Variants in CDH11 observed in about 807,000 individuals in gnomAD.
The protein encoded by CDH11 is cadherin-11.
Under a neutral mutation model 67.8 loss-of-function variants are expected in CDH11, and 11 were observed. The ratio of observed to expected loss-of-function variants is 0.16; its 90% CI spans 0.10 to 0.27. The LOEUF (loss-of-function observed/expected upper bound fraction) is 0.27, where lower values mean the gene tolerates loss of function less well. Ranked by LOEUF, CDH11 falls within the 10% of genes least tolerant of loss-of-function variation. The probability of loss-of-function intolerance (pLI) is 1.00; values close to 1 mark genes in which losing one functional copy is unlikely to be tolerated. For synonymous variants in CDH11, 419 were observed against 400.0 expected, an observed-to-expected ratio of 1.05 and a Z score of -0.57; for missense variants, 847 against 1,031.2, an observed-to-expected ratio of 0.82 and a Z score of 2.45.
chr16:64,990,435 T>C (rs1023883608), intron 6 of CDH11, among the ~76,000 whole-genome samples: 3 of 151,984 alleles, frequency 2.0e-5, no homozygotes, highest in Non-Finnish European at 4.4e-5. Flanking sequence ...AAATGTTCCA[T>C]TTCTCTGATA....
chr16:65,048,614 C>T (rs1455040007), intron 2 of CDH11, among the ~76,000 whole-genome samples: 3 of 151,096 alleles, frequency 2.0e-5, no homozygotes, highest in African/African-American at 7.3e-5. Flanking sequence ...TACATATATA[C>T]ACATAAAAAA....
At chr16:65,043,980 G>A (rs2073910721) in intron 2 of CDH11, among the ~76,000 whole-genome samples, 1 of 152,080 alleles carries the variant, frequency 6.6e-6, no homozygotes, top group Non-Finnish European at 1.5e-5. Flanking sequence ...TTGATCTCAA[G>A]AGATCAAAGT....
chr16:65,086,827 T>C (rs1405173141), intron 1 of CDH11, among the ~76,000 whole-genome samples: 1 of 152,138 alleles, frequency 6.6e-6, no homozygotes, highest in Non-Finnish European at 1.5e-5. Flanking sequence ...CAAAAGGCAA[T>C]AGGTCCTACA....
chr16:64,961,025 G>T (rs541173135), intron 11 of CDH11, among the ~76,000 whole-genome samples: 4 of 152,170 alleles, frequency 2.6e-5, no homozygotes, highest in African/African-American at 9.6e-5. Context: ...ATGTGCTTTT[G>T]GGGATTCCCT....
At chr16:65,090,868 C>A (rs535661809) in intron 1 of CDH11, among the ~76,000 whole-genome samples, 15 of 152,298 alleles carry the variant, frequency 9.8e-5, no homozygotes, top group Non-Finnish European at 1.5e-4. Flanking sequence ...CTATTCCATT[C>A]TTTTCCAAAC....
At chr16:64,962,099 C>G (rs994541546) in intron 11 of CDH11, among the ~76,000 whole-genome samples, 1 of 152,022 alleles carries the variant, frequency 6.6e-6, no homozygotes, top group African/African-American at 2.4e-5. Context: ...AAAGGTGAAA[C>G]AAATTGCCAT....
At chr16:65,114,365 A>G (rs981398376) in intron 1 of CDH11, among the ~76,000 whole-genome samples, 2 of 152,160 alleles carry the variant, frequency 1.3e-5, no homozygotes, top group African/African-American at 4.8e-5. Context: ...TGAGACACGC[A>G]CCAAAAACAG....
chr16:65,107,979 A>G lies in CDH11; in HGVS notation c.-298+13901T>C, dbSNP rs138094285. Among the ~76,000 whole-genome samples, 1,011 of 152,344 alleles carry G rather than the reference A, an allele frequency of 6.6e-3. 15 individuals are homozygous for G. Among genetic ancestry groups the G allele is most frequent in the African/African-American group, 0.023 (960 of 41,576 alleles). On this transcript the variant is annotated intron_variant, in intron 1 of 12. Coordinates refer to ENST00000268603, the MANE Select transcript of CDH11 (RefSeq NM_001797.4). ...GAGGAAGGGAATCACAGGGCAGCCTATTAGGGAAAATTTGTCAGCAATTGA... is the reference window on the plus strand; with the variant it reads ...GAGGAAGGGAATCACAGGGCAGCCTGTTAGGGAAAATTTGTCAGCAATTGA...
intron 2 of CDH11, among the ~76,000 whole-genome samples, chr16:65,012,884 T>C (rs1222809160): frequency 6.6e-6 from 1 of 152,228 alleles, no homozygotes; most frequent in Non-Finnish European, 1.5e-5. Flanking sequence ...CTTCTCTGAA[T>C]TTCTAAGAAG....
chr16:64,954,778 C>T lies in CDH11; in HGVS notation c.1643-3760G>A, dbSNP rs905434418. Among the ~76,000 whole-genome samples the T allele has an allele frequency of 3.9e-5, 6 of 152,148 alleles. No homozygotes were observed. In the South Asian group the frequency reaches 1.0e-3, roughly 26 times the overall value. On this transcript the variant is annotated intron_variant, in intron 11 of 12. Coordinates refer to ENST00000268603, the MANE Select transcript of CDH11 (RefSeq NM_001797.4). ...TGGCATTTCAGTATCACGGCCTGTC[C>T]TTCTTGTGATCCACTCTGATCACTG...
chr16:65,078,813 T>C (rs1392454118), intron 1 of CDH11, among the ~76,000 whole-genome samples: 2 of 152,158 alleles, frequency 1.3e-5, no homozygotes, highest in African/African-American at 4.8e-5. Context: ...GAGGGAACCA[T>C]GTGCAACTAA....
chr16:64,998,931 A>G, intron 3 of CDH11, 75 bp from the exon 4 acceptor site: 1 of 1,212,068 alleles, frequency 8.3e-7, no homozygotes, highest in Middle Eastern at 1.9e-4. Context: ...AGTGATTGCA[A>G]CAATCTGCTG....
At chr16:65,123,494 A>C (rs1443251807), upstream of CDH11, among the ~76,000 whole-genome samples, 1 of 151,940 alleles carries the variant, frequency 6.6e-6, no homozygotes, top group Non-Finnish European at 1.5e-5. Flanking sequence ...AAAGCTTGGG[A>C]TCCTGAGCGC....
intron 12 of CDH11, chr16:64,948,828 GC>G (rs773310297): frequency 1.5e-4 from 211 of 1,390,890 alleles, no homozygotes; most frequent in Non-Finnish European, 2.0e-4. Flanking sequence ...GAAAGTTCAG[GC>G]ACAGTTTAAT....
At chr16:65,036,331 C>G (rs1179114396) in intron 2 of CDH11, among the ~76,000 whole-genome samples, 1 of 152,058 alleles carries the variant, frequency 6.6e-6, no homozygotes, top group Non-Finnish European at 1.5e-5. Flanking sequence ...CTCCCTATGG[C>G]TTTATTCAAA....
At chr16:64,969,115 A>T (rs1388746602) in intron 11 of CDH11, among the ~76,000 whole-genome samples, 1 of 152,182 alleles carries the variant, frequency 6.6e-6, no homozygotes, top group Admixed American at 6.5e-5. Flanking sequence ...AAATTGGCTC[A>T]TCTAGGGTTA....
intron 11 of CDH11, chr16:64,968,286 G>C (rs1413490916): frequency 6.7e-6 from 2 of 298,556 alleles, no homozygotes; most frequent in Non-Finnish European, 9.9e-6. Flanking sequence ...AATGACATGA[G>C]AAGGTTTTAT....
chr16:65,111,713 A>AC (rs1567586100), intron 1 of CDH11, among the ~76,000 whole-genome samples: 1 of 150,810 alleles, frequency 6.6e-6, no homozygotes, highest in African/African-American at 2.4e-5. Context: ...ACACACACAC[A>AC]AATGGGGAGT....
Position 65,062,939 on chromosome 16 carries a change from G to A in CDH11, c.-297-9011C>T, listed in dbSNP as rs145471693. Among the ~76,000 whole-genome samples, 65 of 152,298 alleles carry A rather than the reference G, an allele frequency of 4.3e-4. 1 individual carries two copies. The East Asian group carries it at 0.012, about 27-fold the overall frequency. ...ACGTGAGCCAGGGAGAGAGTCTAGC[G>A]GGTGCTCTACATCCTCATCACACCT... On this transcript the variant is annotated intron_variant, in intron 1 of 12. Coordinates refer to ENST00000268603, the MANE Select transcript of CDH11 (RefSeq NM_001797.4).
Sources: allele counts gnomAD v4.1 joint callset (sites outside exome capture counted in the v4.1 genomes callset), GRCh38; gene constraint gnomAD v4.1.1; transcripts MANE v1.5; gene names NCBI Gene and HGNC (gene_info 2026-07-23, HGNC 2026-07-21).